The following PRR19 variants were observed in gnomAD, a reference collection of about 807,000 sequenced individuals.
PRR19 encodes the protein proline rich 19, also known as proline-rich protein 19.
Under a neutral mutation model 19.2 loss-of-function variants are expected in PRR19, and 9 were observed. The ratio of observed to expected loss-of-function variants is 0.47; its 90% confidence interval spans 0.28 to 0.82. The LOEUF (loss-of-function observed/expected upper bound fraction) is 0.82. Among genes scored for constraint, PRR19 ranks in the 40% least tolerant of loss-of-function variants. The probability of loss-of-function intolerance (pLI) is 0.11; values close to 1 mark genes in which losing one functional copy is unlikely to be tolerated. For synonymous variants in PRR19, 190 were observed against 191.0 expected (o/e 0.99, Z 0.04); for missense variants, 457 against 466.0 (o/e 0.98, Z 0.18).
rs1049358693 is a variant in PRR19, at chr19:42,302,397, C to T, written c.-113C>T. 4.1e-6 allele frequency: 5 copies of T among 1,226,278 alleles called. No homozygotes were observed. The highest frequency in any genetic ancestry group is 5.7e-6 in the Non-Finnish European group (5 of 882,032). The allele number at this position is 1,226,278 out of a possible 1,614,324, so 76.0% of individuals were successfully genotyped here. A position where few individuals can be genotyped will look rare whatever the true frequency, so the allele number is the denominator to read the frequency against. On this transcript the variant is annotated 5_prime_UTR_variant, in exon 1 of 3. Coordinates refer to ENST00000341747, the MANE Select transcript of PRR19 (RefSeq NM_199285.3). ...GCTGGCTCCGCCACGCCCACTCCTACCCCTCGCGGCAACAAAGGACCGTCC... is the reference window on the plus strand; with the variant it reads ...GCTGGCTCCGCCACGCCCACTCCTATCCCTCGCGGCAACAAAGGACCGTCC...
In PRR19 at chr19:42,304,097, C is replaced by T. The variant is rs559765647; in HGVS notation, c.-7+1594C>T. Among the ~76,000 whole-genome samples the T allele has an allele frequency of 1.1e-4, 16 of 146,018 alleles. No individual in the cohort carries two copies. In the South Asian group the frequency reaches 2.2e-3, roughly 20 times the overall value. On this transcript the variant is annotated intron_variant, in intron 1 of 2. Transcript: ENST00000341747. ...CAGCCTGGCCAACATGGCGAAACCA[C>T]GTGTCTACTAAATATACAAAAAAAA...
In PRR19 at chr19:42,310,601, A is replaced by T. The variant is rs768295374; in HGVS notation, c.932A>T (p.Gln311Leu). The change falls in exon 3 of 3, where the codon CAG becomes CTG. Residue 311 changes from glutamine (Q) to leucine (L), a missense_variant. Transcript: ENST00000341747. ...WGVGLPQPLPQPSSPLLPRTS... is the reference protein window; with the variant it reads ...WGVGLPQPLPLPSSPLLPRTS... ...GTTGGCCTCCCTCAGCCCCTGCCTC[A>T]GCCTTCATCACCCCTGTTGCCCCGA... 11 of 1,613,930 alleles carry T rather than the reference A, an allele frequency of 6.8e-6. No individual in the cohort carries two copies. The highest frequency in any genetic ancestry group is 6.8e-6 in the Non-Finnish European group (8 of 1,179,994).
In PRR19 at chr19:42,309,594, C is replaced by T. The variant is rs1429724544; in HGVS notation, c.10C>T (p.Gln4Ter). Residue 4 changes from glutamine (Q) to a stop codon, truncating the protein, a stop_gained, in exon 2 of 3, where the codon CAG (glutamine) becomes TAG (stop). Transcript: ENST00000341747. LOFTEE classifies it high-confidence loss of function. MDT[Q>*]GPVSQPFQQP... ...TATATTCCAGGACACCATGGATACCCAGGGACCAGTCTCCCAGCCTTTTCA... is the reference window on the plus strand; with the variant it reads ...TATATTCCAGGACACCATGGATACCTAGGGACCAGTCTCCCAGCCTTTTCA... 2.0e-6 allele frequency: 3 copies of T among 1,525,270 alleles called. No homozygotes were observed. The highest frequency in any genetic ancestry group is 2.6e-6 in the Non-Finnish European group (3 of 1,134,308). The allele number at this position is 1,525,270 out of a possible 1,614,324, so 94.5% of individuals were successfully genotyped here.
At chr19:42,306,320 C>T (rs2038705925) in intron 1 of PRR19, among the ~76,000 whole-genome samples, 1 of 152,230 alleles carries the variant, frequency 6.6e-6, no homozygotes, top group African/African-American at 2.4e-5. Flanking sequence ...ACTACAGGCG[C>T]CCGCCACCAC....
intron 1 of PRR19, among the ~76,000 whole-genome samples, chr19:42,304,124 A>T (rs1333016243): frequency 1.3e-5 from 2 of 151,974 alleles, no homozygotes; most frequent in African/African-American, 4.8e-5. Context: ...CAAAAAAAAA[A>T]AAAAAATTAG....
chr19:42,302,325 C>T lies in PRR19; in HGVS notation c.-185C>T. ...CTCCACTCATCTTGGCGCCGCAGCT[C>T]CTGCAGGATGAGCGAGTCGGGTCGG... On this transcript the variant is annotated 5_prime_UTR_variant, in exon 1 of 3. Coordinates refer to ENST00000341747, the MANE Select transcript of PRR19 (RefSeq NM_199285.3). 1 of 1,592,028 alleles carries T rather than the reference C, an allele frequency of 6.3e-7. No homozygotes were observed. Among genetic ancestry groups the T allele is most frequent in the Admixed American group, 1.7e-5 (1 of 57,732 alleles).
At chr19:42,307,921 C>G (rs71361012) in intron 1 of PRR19, among the ~76,000 whole-genome samples, 1 of 151,688 alleles carries the variant, frequency 6.6e-6, no homozygotes, top group East Asian at 1.9e-4. Flanking sequence ...CCGCGCCCGG[C>G]TAATTTTTGG....
chr19:42,309,380 T>C (rs2038755382), intron 1 of PRR19, 199 bp from the exon 2 acceptor site: 2 of 451,192 alleles, frequency 4.4e-6, no homozygotes, highest in Admixed American at 7.4e-5. Flanking sequence ...GGCCAATTTT[T>C]GTATTTTCAG....
At chr19:42,307,868 C>T (rs954823289) in intron 1 of PRR19, among the ~76,000 whole-genome samples, 23 of 151,204 alleles carry the variant, frequency 1.5e-4, no homozygotes, top group Non-Finnish European at 7.4e-5. Flanking sequence ...CGCCATTCTC[C>T]TGCCTCAGCC....
chr19:42,306,516 G>T (rs2038708417), intron 1 of PRR19, among the ~76,000 whole-genome samples: 1 of 152,060 alleles, frequency 6.6e-6, no homozygotes, highest in African/African-American at 2.4e-5. Context: ...GTTGTCCAGG[G>T]TGGTCTTGAA....
chr19:42,310,495 G>A lies in PRR19; in HGVS notation c.826G>A (p.Ala276Thr), dbSNP rs148041753. 6.2e-7 allele frequency: 1 copy of A among 1,614,202 alleles called. No individual in the cohort carries two copies. Among genetic ancestry groups the A allele is most frequent in the Non-Finnish European group, 8.5e-7 (1 of 1,180,030 alleles). Residue 276 changes from alanine (A) to threonine (T), a missense_variant, in exon 3 of 3, where the codon GCC becomes ACC. Transcript: ENST00000341747. ...CTCACTGTCTTCGCCATCTGGAACA[G>A]CCTGGGGTCCCCCAACAGCGTTTGA... Reference protein sequence around the residue: ...FPSLSSPSGTAWGPPTAFDLL... With the variant: ...FPSLSSPSGTTWGPPTAFDLL...
In PRR19 at chr19:42,310,448, G is replaced by T. The variant is rs774988843; in HGVS notation, c.779G>T (p.Gly260Val). Reference sequence around the variant, plus strand: ...AGGGGGAGTCTGGCACCGCCAAGAGGTCCCTGGCCACCATACTTTCCCTCA... The same window carrying T: ...AGGGGGAGTCTGGCACCGCCAAGAGTTCCCTGGCCACCATACTTTCCCTCA... ...AHRGSLAPPR[G>V]PWPPYFPSLS... The change falls in exon 3 of 3, where the codon GGT (glycine) becomes GTT (valine). Residue 260 changes from glycine to valine, a missense_variant. Coordinates refer to ENST00000341747, the MANE Select transcript of PRR19 (RefSeq NM_199285.3). The T allele has an allele frequency of 3.7e-6, 6 of 1,614,172 alleles. No homozygotes were observed. In the South Asian group the frequency reaches 5.5e-5, roughly 15 times the overall value.
chr19:42,310,235 CT>C (rs1176844871), intron 2 of PRR19, 35 bp from the exon 3 acceptor site: 1 of 1,613,624 alleles, frequency 6.2e-7, no homozygotes, highest in African/African-American at 1.3e-5. Flanking sequence ...TCGGCTCTAG[CT>C]CAGCTAGCCT....
At position 42,309,966 on chromosome 19, in the gene PRR19, C is replaced by A. The variant is rs1162575423; in HGVS notation, c.382C>A (p.Pro128Thr). 6.2e-7 allele frequency: 1 copy of A among 1,613,930 alleles called. No homozygotes were observed. The highest frequency in any genetic ancestry group is 1.3e-5 in the African/African-American group (1 of 75,072). Residue 128 changes from proline (P) to threonine (T), a missense_variant, in exon 2 of 3, where the codon CCT becomes ACT. By Grantham distance (38) the Pro-to-Thr change is conservative. Coordinates refer to ENST00000341747, the MANE Select transcript of PRR19 (RefSeq NM_199285.3). ...PRSRDKENQV[P>T]GGSGPGPPSS... ...GTCCAGGGACAAAGAGAACCAGGTG[C>A]CTGGAGGTTCGGGCCCAGGCCCACC...
intron 1 of PRR19, among the ~76,000 whole-genome samples, chr19:42,308,546 G>A (rs901039828): frequency 1.3e-5 from 2 of 151,698 alleles, no homozygotes; most frequent in African/African-American, 2.4e-5. Flanking sequence ...TTACAGGCGC[G>A]CACCATCACA....
rs866615306 is a variant in PRR19, at chr19:42,302,511, G to T, written c.-7+8G>T. 22 of 554,546 alleles carry T rather than the reference G, an allele frequency of 4.0e-5. No individual in the cohort carries two copies. The highest frequency in any genetic ancestry group is 9.4e-4 in the Middle Eastern group (2 of 2,122). 34.4% of individuals were successfully genotyped at this position (554,546 alleles called of 1,614,324 possible). ...GAAGCCTTCACTTAGGAGGTAGGTG[G>T]AATCAGGAACCTTCGCTTCCCCCAC... On this transcript the variant is annotated splice_region_variant and intron_variant, in intron 1 of 2. Coordinates refer to ENST00000341747, the MANE Select transcript of PRR19 (RefSeq NM_199285.3).
Position 42,302,453 on chromosome 19 carries a change from C to T in PRR19, c.-57C>T, listed in dbSNP as rs1157116352. The T allele has an allele frequency of 4.3e-6, 3 of 692,498 alleles. No individual in the cohort carries two copies. The highest frequency in any genetic ancestry group is 1.8e-5 in the African/African-American group (1 of 55,610). 42.9% of individuals were successfully genotyped at this position (692,498 alleles called of 1,614,324 possible). A position where few individuals can be genotyped will look rare whatever the true frequency, so the allele number is the denominator to read the frequency against. On this transcript the variant is annotated 5_prime_UTR_variant, in exon 1 of 3. Coordinates refer to ENST00000341747, the MANE Select transcript of PRR19 (RefSeq NM_199285.3). ...CTAGCACACCCGCGGAGGACGAAGG[C>T]CGATACAGGGCGCCGCCTCCTCTCC... is the stretch of plus-strand genomic sequence containing the variant.
chr19:42,302,650 C>T, intron 1 of PRR19, 147 bp downstream of exon 1: 1 of 307,438 alleles, frequency 3.3e-6, no homozygotes, highest in Non-Finnish European at 6.2e-6. Flanking sequence ...GCTCCCGAGG[C>T]GGGGAGGAGG....
chr19:42,307,726 C>T (rs2038727634), intron 1 of PRR19, among the ~76,000 whole-genome samples: 1 of 144,126 alleles, frequency 6.9e-6, no homozygotes, highest in Non-Finnish European at 1.5e-5. Context: ...TGAGCCACTG[C>T]GCCTGGCCCC....
Sources: allele counts gnomAD v4.1 joint callset (sites outside exome capture counted in the v4.1 genomes callset), GRCh38; gene constraint gnomAD v4.1.1; transcripts MANE v1.5; gene names NCBI Gene and HGNC (gene_info 2026-07-23, HGNC 2026-07-21).